SLIT1: variants seen among roughly 807,000 people sequenced by gnomAD.
The protein encoded by SLIT1 is slit homolog 1 protein.
In SLIT1, 66 loss-of-function variants were observed where a neutral mutation model predicts 186.1. The ratio of observed to expected loss-of-function variants is 0.35; its 90% CI spans 0.29 to 0.44. SLIT1 has a LOEUF of 0.44. Ranked by LOEUF, SLIT1 falls within the 20% of genes least tolerant of loss-of-function variation. The probability of loss-of-function intolerance (pLI) is 1.00; values close to 1 mark genes in which losing one functional copy is unlikely to be tolerated. For missense variants in SLIT1, 1,638 were observed against 2,037.4 expected (o/e 0.80, Z 3.77); for synonymous variants, 761 against 833.8 (o/e 0.91, Z 1.50).
At position 97,178,722 on chromosome 10, in the gene SLIT1, T is replaced by C. The variant is rs1209104412; in HGVS notation, c.197+6756A>G. On this transcript the variant is annotated intron_variant, in intron 1 of 36. Transcript: ENST00000266058. ...GAAAAAAGTTTCAACGTCTCCAAGC[T>C]ATTCTTAAAAGGTTCAGAAAAAAAA... Among the ~76,000 whole-genome samples the C allele has an allele frequency of 5.3e-5, 8 of 152,052 alleles. 1 individual carries two copies. Among genetic ancestry groups the C allele is most frequent in the Admixed American group, 4.6e-4 (7 of 15,256 alleles).
chr10:97,156,071 G>T (rs1849947315), intron 4 of SLIT1, among the ~76,000 whole-genome samples: 2 of 152,222 alleles, frequency 1.3e-5, no homozygotes, highest in Non-Finnish European at 2.9e-5. Flanking sequence ...CACCCACTGT[G>T]TATGCCTGGC....
chr10:97,165,407 T>G (rs573773700), intron 1 of SLIT1, among the ~76,000 whole-genome samples: 23 of 152,196 alleles, frequency 1.5e-4, no homozygotes, highest in African/African-American at 5.5e-4. Flanking sequence ...GAGTGCCGTA[T>G]TCTAAGCAGG....
At chr10:97,018,076 T>C (rs1394686094) in intron 28 of SLIT1, among the ~76,000 whole-genome samples, 1 of 152,194 alleles carries the variant, frequency 6.6e-6, no homozygotes, top group East Asian at 1.9e-4. Context: ...CTCAAACTCC[T>C]GACCTCGTGA....
intron 4 of SLIT1, among the ~76,000 whole-genome samples, chr10:97,109,099 A>T (rs560242967): frequency 6.6e-6 from 1 of 152,014 alleles, no homozygotes; most frequent in East Asian, 1.9e-4. Flanking sequence ...CTATAATCCC[A>T]GCACTTTGGG....
In SLIT1 at chr10:97,125,848, AAAAAAAAAC is replaced by A. The variant is rs553491979; in HGVS notation, c.413+31961_413+31969del. Among the ~76,000 whole-genome samples the A allele has an allele frequency of 4.3e-3, 616 of 142,342 alleles. 1 individual carries two copies. Among genetic ancestry groups the A allele is most frequent in the Non-Finnish European group, 6.3e-3 (423 of 67,170 alleles). The allele number at this position is 142,342 out of a possible 152,430, so 93.4% of individuals were successfully genotyped here. The stretch of plus-strand genomic sequence containing the variant: ...AGTGAGACTGTCTCAAAACAAAAAC[AAAAAAAAAC>A]AAAAAAAACAAGAGTCTGAGTCTGT... On this transcript the variant is annotated intron_variant, in intron 4 of 36. Transcript: ENST00000266058.
chr10:97,021,546 T>C lies in SLIT1; in HGVS notation c.2583-133A>G, dbSNP rs938364055. On this transcript the variant is annotated intron_variant, in intron 25 of 36. Coordinates refer to ENST00000266058, the MANE Select transcript of SLIT1 (RefSeq NM_003061.3). The surrounding 1 kb of genome is among the most constrained non-coding windows in gnomAD (Gnocchi z 4.5). ...CTCCATTTCATGAGCATTTACTGTA[T>C]AGTCAGTGCTGCTTTTTTTTTTTTT... 1.4e-6 allele frequency: 1 copy of C among 691,792 alleles called. No homozygotes were observed. The highest frequency in any genetic ancestry group is 3.0e-5 in the East Asian group (1 of 33,044). 42.9% of individuals were successfully genotyped at this position (691,792 alleles called of 1,614,324 possible).
chr10:97,111,550 G>A (rs972904876), intron 4 of SLIT1, among the ~76,000 whole-genome samples: 9 of 152,318 alleles, frequency 5.9e-5, no homozygotes, highest in East Asian at 1.9e-4. Context: ...CAAAGACTGC[G>A]TCTTTCCATG....
At chr10:97,084,272 C>T (rs548666353) in intron 4 of SLIT1, among the ~76,000 whole-genome samples, 4 of 152,324 alleles carry the variant, frequency 2.6e-5, no homozygotes, top group African/African-American at 9.6e-5. Context: ...CACAGCCATG[C>T]TCTCCCCCAG....
rs1848371222 is a variant in SLIT1, at chr10:97,007,609, A to G, written c.3342-889T>C. Among the ~76,000 whole-genome samples the G allele has an allele frequency of 5.9e-5, 9 of 152,328 alleles. No homozygotes were observed. The South Asian group carries it at 1.9e-3, about 32-fold the overall frequency. On this transcript the variant is annotated intron_variant, in intron 31 of 36. Transcript: ENST00000266058. ...TATATACAATGACCAAGTGAGATTTACGCCAGGAATGCAAGGCTGGTTTGA... is the reference window on the plus strand; with the variant it reads ...TATATACAATGACCAAGTGAGATTTGCGCCAGGAATGCAAGGCTGGTTTGA...
rs1230123179 is a variant in SLIT1, at chr10:97,004,287, C to A, written c.3711-65G>T. On this transcript the variant is annotated intron_variant, in intron 33 of 36. Transcript: ENST00000266058. The surrounding 1 kb of genome is among the most constrained non-coding windows in gnomAD (Gnocchi z 5.1). ...TCAGTCTGGACCATCCCTGCCTGGG[C>A]ACTTCCCCAGAAACACCAGTAGCTG... The A allele has an allele frequency of 2.6e-5, 40 of 1,514,984 alleles. No homozygotes were observed. Among genetic ancestry groups the A allele is most frequent in the Non-Finnish European group, 3.4e-5 (38 of 1,111,708 alleles). The allele number at this position is 1,514,984 out of a possible 1,614,324, so 93.8% of individuals were successfully genotyped here.
intron 4 of SLIT1, among the ~76,000 whole-genome samples, chr10:97,097,470 G>T (rs183402502): frequency 1.2e-4 from 19 of 152,360 alleles, no homozygotes; most frequent in South Asian, 8.3e-4. Context: ...GACGGTGGCG[G>T]TGGGGTGGGG....
chr10:97,117,949 C>T (rs1849523748), intron 4 of SLIT1, among the ~76,000 whole-genome samples: 1 of 152,146 alleles, frequency 6.6e-6, no homozygotes, highest in Non-Finnish European at 1.5e-5. Context: ...CTGGTTCCAG[C>T]CTCAGATTCT....
intron 4 of SLIT1, among the ~76,000 whole-genome samples, chr10:97,131,899 G>T (rs571810896): frequency 6.6e-6 from 1 of 152,342 alleles, no homozygotes; most frequent in African/African-American, 2.4e-5. Flanking sequence ...CACTAAAGCA[G>T]AAAGAGGTTA....
chr10:97,161,141 C>T (rs1442921073), intron 3 of SLIT1, among the ~76,000 whole-genome samples: 1 of 152,238 alleles, frequency 6.6e-6, no homozygotes, highest in Admixed American at 6.5e-5. Context: ...AGGAAGGTGC[C>T]TGCAGGCCTA....
rs1387652760 is a variant in SLIT1 at position 97,001,298 on chromosome 10, G to A, written c.4419C>T (p.Gly1473=). 6.2e-7 allele frequency: 1 copy of A among 1,613,290 alleles called. No homozygotes were observed. The highest frequency in any genetic ancestry group is 8.5e-7 in the Non-Finnish European group (1 of 1,180,028). The change falls in exon 37 of 37, where the codon GGC becomes GGT. Residue 1473 remains glycine, a synonymous_variant. Coordinates refer to ENST00000266058, the MANE Select transcript of SLIT1 (RefSeq NM_003061.3). ...GGCGCGTGGTCTGGCAGATGGCATA[G>A]CCCCTCTGGACCTGGTGAAAGTCCC... ...PVRDFHQVQR[G]YAICQTTRPL...
At chr10:97,109,822 G>C (rs1341338201) in intron 4 of SLIT1, among the ~76,000 whole-genome samples, 1 of 152,204 alleles carries the variant, frequency 6.6e-6, no homozygotes, top group East Asian at 1.9e-4. Context: ...TCCCTGCCAA[G>C]CTGCTGGGTG....
In SLIT1 at chr10:97,153,906, G is replaced by A. The variant is rs542322662; in HGVS notation, c.413+3912C>T. The A allele has an allele frequency of 4.6e-5, 7 of 152,160 alleles. No homozygotes were observed. The South Asian group carries it at 1.0e-3, about 23-fold the overall frequency. The allele number at this position is 152,160 out of a possible 1,614,324, so 9.4% of individuals were successfully genotyped here. On this transcript the variant is annotated intron_variant, in intron 4 of 36. Coordinates refer to ENST00000266058, the MANE Select transcript of SLIT1 (RefSeq NM_003061.3). ...CCTCACATCTCAGTGCAGGTCCCTG[G>A]GAGGGCCAGCTGGATCTCACCTCCT...
intron 4 of SLIT1, among the ~76,000 whole-genome samples, chr10:97,083,441 G>C (rs560411346): frequency 6.6e-6 from 1 of 152,324 alleles, no homozygotes; most frequent in African/African-American, 2.4e-5. Context: ...AGTGACACTT[G>C]ATGGATGAAC....
chr10:97,161,871 A>G (rs1850032166), intron 3 of SLIT1, among the ~76,000 whole-genome samples: 1 of 152,218 alleles, frequency 6.6e-6, no homozygotes, highest in Non-Finnish European at 1.5e-5. Flanking sequence ...CTTCTGTACA[A>G]CTGGGGACAA....
Sources: allele counts gnomAD v4.1 joint callset (sites outside exome capture counted in the v4.1 genomes callset), GRCh38; gene constraint gnomAD v4.1.1; non-coding constraint Gnocchi (gnomAD v3.1); transcripts MANE v1.5; gene names NCBI Gene and HGNC (gene_info 2026-07-23, HGNC 2026-07-21).